Variants in ADH4 observed in about 807,000 individuals in gnomAD.
ADH4 encodes all-trans-retinol dehydrogenase [NAD(+)] ADH4.
A neutral mutation model predicts 35.2 loss-of-function variants in ADH4; 31 were observed. The observed-to-expected ratio is 0.88, with a 90% CI of 0.66 to 1.19. The LOEUF is 1.19. Ranked by LOEUF, ADH4 falls within the 50% of genes most tolerant of loss-of-function variation. ADH4 has a pLI of 0.00. For synonymous variants in ADH4, 171 were observed against 160.2 expected, an observed-to-expected ratio of 1.07 and a Z score of -0.51; for missense variants, 476 against 458.3, an observed-to-expected ratio of 1.04 and a Z score of -0.35.
chr4:99,135,296 G>A (rs1010157344), intron 5 of ADH4, among the ~76,000 whole-genome samples: 3 of 152,072 alleles, frequency 2.0e-5, no homozygotes, highest in African/African-American at 4.8e-5. Flanking sequence ...AGGCATCGTG[G>A]TGCATGCCTG....
chr4:99,128,003 C>T (rs1729152094), intron 6 of ADH4, among the ~76,000 whole-genome samples: 1 of 146,776 alleles, frequency 6.8e-6, no homozygotes, highest in African/African-American at 2.5e-5. Flanking sequence ...CGTTGTGTGA[C>T]TTTTTTTTTT....
chr4:99,144,294 C>A lies in ADH4; in HGVS notation c.-72G>T, dbSNP rs1194287087. The A allele has an allele frequency of 1.4e-6, 2 of 1,419,760 alleles. No homozygotes were observed. The highest frequency in any genetic ancestry group is 2.0e-6 in the Non-Finnish European group (2 of 1,003,418). The allele number at this position is 1,419,760 out of a possible 1,614,324, so 87.9% of individuals were successfully genotyped here. A position where few individuals can be genotyped will look rare whatever the true frequency, so the allele number is the denominator to read the frequency against. On this transcript the variant is annotated 5_prime_UTR_variant, in exon 1 of 9. Coordinates refer to ENST00000265512, the MANE Select transcript of ADH4 (RefSeq NM_000670.5). ...GCTTCAAACTCCTACCCAGGGAGTTCCGTGTCCTATAATGAGCTGTCTTTG... is the reference window on the plus strand; with the variant it reads ...GCTTCAAACTCCTACCCAGGGAGTTACGTGTCCTATAATGAGCTGTCTTTG...
chr4:99,131,689 C>T lies in ADH4; in HGVS notation c.658G>A (p.Ala220Thr). ...GLSAVMGCKA[A>T]GASRIIGIDI... ...ATACCTATGATTCTGGAAGCTCCTG[C>T]TGCTTTACAACCCATTACAGCAGAA... The change falls in exon 6 of 9, where the codon GCA becomes ACA. Residue 220 changes from alanine to threonine, a missense_variant. By Grantham distance (58) the Ala-to-Thr change is moderately conservative (BLOSUM62 0). Transcript: ENST00000265512. 1 of 1,614,178 alleles carries T rather than the reference C, an allele frequency of 6.2e-7. No individual in the cohort carries two copies. Among genetic ancestry groups the T allele is most frequent in the Non-Finnish European group, 8.5e-7 (1 of 1,180,022 alleles).
chr4:99,142,928 T>G (rs1437225362), intron 1 of ADH4, 148 bp from the exon 2 acceptor site: 2 of 612,790 alleles, frequency 3.3e-6, no homozygotes, highest in African/African-American at 3.7e-5. Context: ...TAGCTGGATC[T>G]TATAGATATT....
At chr4:99,141,096 G>A (rs1231413884) in intron 3 of ADH4, among the ~76,000 whole-genome samples, 1 of 152,080 alleles carries the variant, frequency 6.6e-6, no homozygotes, top group Non-Finnish European at 1.5e-5. Flanking sequence ...TTGTGTCCAT[G>A]TGTTCTCATT....
chr4:99,143,510 C>A, intron 1 of ADH4: 1 of 270,222 alleles, frequency 3.7e-6, no homozygotes, highest in Non-Finnish European at 7.1e-6. Flanking sequence ...TTTTTAATTT[C>A]AAATATAAGC....
intron 5 of ADH4, among the ~76,000 whole-genome samples, chr4:99,134,615 T>G (rs1162925492): frequency 6.6e-6 from 1 of 152,038 alleles, no homozygotes; most frequent in Non-Finnish European, 1.5e-5. Context: ...AGGCTTTGAC[T>G]GCCATGTGCA....
At chr4:99,143,739 G>A (rs1001793065) in intron 1 of ADH4, among the ~76,000 whole-genome samples, 3 of 152,038 alleles carry the variant, frequency 2.0e-5, no homozygotes, top group African/African-American at 7.2e-5. Context: ...GGCCTATCAA[G>A]TTTTTAAAGA....
intron 5 of ADH4, among the ~76,000 whole-genome samples, chr4:99,135,301 T>C (rs765887297): frequency 1.1e-4 from 17 of 151,956 alleles, no homozygotes; most frequent in Non-Finnish European, 2.5e-4. Context: ...TCGTGGTGCA[T>C]GCCTGTAATC....
At chr4:99,126,366 G>T (rs912205387) in intron 8 of ADH4, among the ~76,000 whole-genome samples, 1 of 152,170 alleles carries the variant, frequency 6.6e-6, no homozygotes, top group Admixed American at 6.5e-5. Context: ...AATGGAAATT[G>T]TATCAATTTA....
chr4:99,124,969 C>T (rs1038281944), intron 8 of ADH4, among the ~76,000 whole-genome samples: 7 of 152,184 alleles, frequency 4.6e-5, no homozygotes, highest in Non-Finnish European at 1.0e-4. Context: ...TCAAACATTA[C>T]TGCTGGAACT....
chr4:99,140,631 G>A (rs1729580031), intron 3 of ADH4, among the ~76,000 whole-genome samples: 1 of 152,016 alleles, frequency 6.6e-6, no homozygotes, highest in African/African-American at 2.4e-5. Context: ...ACTTTGGGAG[G>A]CCGAGGTGGG....
At chr4:99,143,836 C>T (rs2110508025) in intron 1 of ADH4, among the ~76,000 whole-genome samples, 1 of 152,274 alleles carries the variant, frequency 6.6e-6, no homozygotes, top group African/African-American at 2.4e-5. Context: ...AAATAAGATA[C>T]ATTGTCCATA....
intron 5 of ADH4, 96 bp from the exon 6 acceptor site, chr4:99,131,860 A>G (rs1729287498): frequency 3.0e-6 from 4 of 1,331,780 alleles, no homozygotes; most frequent in African/African-American, 1.5e-5. Context: ...GAACATATGA[A>G]TTAAAGACAG....
At chr4:99,137,482 G>A (rs1262539542) in intron 4 of ADH4, among the ~76,000 whole-genome samples, 1 of 151,968 alleles carries the variant, frequency 6.6e-6, no homozygotes, top group African/African-American at 2.4e-5. Flanking sequence ...GGCTGGTCTC[G>A]AACTCCTGAC....
At chr4:99,140,547 C>G (rs1315689225) in intron 3 of ADH4, among the ~76,000 whole-genome samples, 3 of 151,842 alleles carry the variant, frequency 2.0e-5, no homozygotes, top group Non-Finnish European at 2.9e-5. Flanking sequence ...GCACTCCAGC[C>G]TGGCACAGAG....
chr4:99,131,755 CA>C lies in ADH4; in HGVS notation c.591del (p.Gly198ValfsTer9), dbSNP rs1333058135. On this transcript the variant is annotated frameshift_variant, in exon 6 of 9. Transcript: ENST00000265512. LOFTEE classifies it high-confidence loss of function. ...GAAINNAKVT[P>X]GSTCAVFGLG... ...AGGCCAAAGACAGCACAAGTCGAAC[CA>C]GGGGTGACCTGCAAGCAGGAAAATT... 5 of 1,611,116 alleles carry C rather than the reference CA, an allele frequency of 3.1e-6. No homozygotes were observed. Among genetic ancestry groups the C allele is most frequent in the Middle Eastern group, 3.3e-4 (2 of 6,036 alleles).
chr4:99,132,060 CA>C lies in ADH4; in HGVS notation c.583-297del, dbSNP rs570283838. Reference sequence around the variant, plus strand: ...TCTGAACAAAATTTGAAAACCCACACATTCTGAAGGGTTTATTGCTTTCCTT... The same window carrying C: ...TCTGAACAAAATTTGAAAACCCACACTTCTGAAGGGTTTATTGCTTTCCTT... On this transcript the variant is annotated intron_variant, in intron 5 of 8. Transcript: ENST00000265512. 1.5e-3 allele frequency among the ~76,000 whole-genome samples: 221 copies of C among 152,284 alleles called. 2 individuals are homozygous for C. Among genetic ancestry groups the C allele is most frequent in the African/African-American group, 5.2e-3 (215 of 41,558 alleles).
Position 99,124,031 on chromosome 4 carries a change from C to G in ADH4, c.*411G>C, listed in dbSNP as rs996291980. The G allele has an allele frequency of 2.2e-5, 4 of 184,344 alleles. No individual in the cohort carries two copies. The highest frequency in any genetic ancestry group is 7.2e-5 in the African/African-American group (3 of 41,600). The allele number at this position is 184,344 out of a possible 1,614,324, so 11.4% of individuals were successfully genotyped here. ...CCATCATGTGTCCATGTGTTCTCAT[C>G]ATTTAGCTCCCAGAAAATTTTCAAC... is the stretch of plus-strand genomic sequence containing the variant. On this transcript the variant is annotated 3_prime_UTR_variant, in exon 9 of 9. Coordinates refer to ENST00000265512, the MANE Select transcript of ADH4 (RefSeq NM_000670.5).
Sources: allele counts gnomAD v4.1 joint callset (sites outside exome capture counted in the v4.1 genomes callset), GRCh38; gene constraint gnomAD v4.1.1; transcripts MANE v1.5; gene names NCBI Gene and HGNC (gene_info 2026-07-23, HGNC 2026-07-21).